CDK14: variants seen among roughly 807,000 people sequenced by gnomAD.
The protein encoded by CDK14 is cyclin-dependent kinase 14.
In CDK14, 34 loss-of-function variants were observed where a neutral mutation model predicts 60.7. The ratio of observed to expected loss-of-function variants is 0.56; its 90% confidence interval spans 0.43 to 0.75. The LOEUF (loss-of-function observed/expected upper bound fraction) is 0.75, where lower values mean the gene tolerates loss of function less well. Among genes scored for constraint, CDK14 ranks in the 30% least tolerant of loss-of-function variants. The pLI is 0.00. For missense variants in CDK14, 482 were observed against 564.1 expected, an observed-to-expected ratio of 0.85 and a Z score of 1.47; for synonymous variants, 197 against 203.7, an observed-to-expected ratio of 0.97 and a Z score of 0.28.
At chr7:90,653,505 C>T (rs1800690461) in intron 2 of CDK14, among the ~76,000 whole-genome samples, 1 of 151,878 alleles carries the variant, frequency 6.6e-6, no homozygotes, top group Non-Finnish European at 1.5e-5. Flanking sequence ...CTTGACCTTT[C>T]CAGCACCGAG....
At chr7:90,673,476 C>T (rs191056462) in intron 2 of CDK14, among the ~76,000 whole-genome samples, 80 of 152,114 alleles carry the variant, frequency 5.3e-4, no homozygotes, top group Middle Eastern at 6.8e-3. Flanking sequence ...ACAGCCCACC[C>T]GGTGGCACAG....
chr7:90,949,731 T>C (rs1365195578), intron 8 of CDK14, among the ~76,000 whole-genome samples: 1 of 152,216 alleles, frequency 6.6e-6, no homozygotes, highest in African/African-American at 2.4e-5. Flanking sequence ...TTTGGTTTCT[T>C]ATAAAAAGTA....
At chr7:90,783,268 C>T (rs1481352900) in intron 4 of CDK14, among the ~76,000 whole-genome samples, 2 of 152,108 alleles carry the variant, frequency 1.3e-5, no homozygotes, top group South Asian at 2.1e-4. Context: ...TTGTTAGTCA[C>T]ATCCTAATAA....
chr7:91,195,477 G>T (rs1802507136), intron 14 of CDK14, among the ~76,000 whole-genome samples: 1 of 152,148 alleles, frequency 6.6e-6, no homozygotes, highest in South Asian at 2.1e-4. Context: ...TCTGATGTAT[G>T]AAAATGTCCA....
At chr7:91,026,855 C>A (rs1031609716) in intron 10 of CDK14, among the ~76,000 whole-genome samples, 18 of 152,290 alleles carry the variant, frequency 1.2e-4, no homozygotes, top group Admixed American at 4.6e-4. Context: ...ACTATTATGA[C>A]CATTATAAAT....
intron 2 of CDK14, among the ~76,000 whole-genome samples, chr7:90,619,880 C>A (rs1799731996): frequency 6.6e-6 from 1 of 152,186 alleles, no homozygotes. Flanking sequence ...CCCGTAGTCC[C>A]AGCTACTTGG....
chr7:91,060,870 T>TA (rs1797762811), intron 11 of CDK14, among the ~76,000 whole-genome samples: 1 of 152,178 alleles, frequency 6.6e-6, no homozygotes, highest in East Asian at 1.9e-4. Context: ...ATCTGACAAT[T>TA]ATGTGTCTTG....
chr7:90,860,173 A>T (rs188058531), intron 5 of CDK14, among the ~76,000 whole-genome samples: 1 of 152,262 alleles, frequency 6.6e-6, no homozygotes, highest in East Asian at 1.9e-4. Context: ...TATTGATTTA[A>T]TAAAGGTTTC....
intron 6 of CDK14, among the ~76,000 whole-genome samples, chr7:90,874,165 T>G (rs1363518955): frequency 1.3e-5 from 2 of 152,152 alleles, no homozygotes; most frequent in East Asian, 3.9e-4. Flanking sequence ...CTTCATCTTA[T>G]GTGGTTTTGT....
chr7:90,829,968 G>T (rs577815040), intron 5 of CDK14, among the ~76,000 whole-genome samples: 9 of 152,334 alleles, frequency 5.9e-5, no homozygotes, highest in Admixed American at 2.6e-4. Context: ...AGCCCCCATT[G>T]CTGCCTTCAC....
chr7:90,797,006 T>A (rs1788459413), intron 5 of CDK14, among the ~76,000 whole-genome samples: 2 of 151,834 alleles, frequency 1.3e-5, no homozygotes, highest in Admixed American at 1.3e-4. Flanking sequence ...TACTGATTTG[T>A]GTATGTTGAT....
At chr7:91,022,595 A>C (rs1232243578) in intron 10 of CDK14, among the ~76,000 whole-genome samples, 1 of 152,208 alleles carries the variant, frequency 6.6e-6, no homozygotes, top group African/African-American at 2.4e-5. Flanking sequence ...ACTCCAGCAA[A>C]ATGTTCTCCC....
intron 4 of CDK14, among the ~76,000 whole-genome samples, chr7:90,751,349 G>C (rs996886593): frequency 1.3e-5 from 2 of 152,100 alleles, no homozygotes; most frequent in African/African-American, 4.8e-5. Flanking sequence ...TACAAGCCAG[G>C]AGAGTTTGGG....
chr7:91,032,690 A>G (rs1218478552), intron 10 of CDK14, among the ~76,000 whole-genome samples: 1 of 152,214 alleles, frequency 6.6e-6, no homozygotes, highest in Non-Finnish European at 1.5e-5. Context: ...CCCAGAGGGG[A>G]CAAGGCCCTA....
At chr7:91,123,279 T>G (rs1040140596) in intron 14 of CDK14, among the ~76,000 whole-genome samples, 1 of 151,928 alleles carries the variant, frequency 6.6e-6, no homozygotes, top group Non-Finnish European at 1.5e-5. Context: ...ATTTCTGGGG[T>G]TTTTCCTGCA....
At chr7:90,939,977 A>G (rs1793867894) in intron 8 of CDK14, among the ~76,000 whole-genome samples, 1 of 152,240 alleles carries the variant, frequency 6.6e-6, no homozygotes, top group African/African-American at 2.4e-5. Flanking sequence ...CTATTTTAGA[A>G]CCAAACCGTA....
chr7:90,617,620 C>G (rs569794714), intron 2 of CDK14, among the ~76,000 whole-genome samples: 4 of 152,216 alleles, frequency 2.6e-5, no homozygotes, highest in Middle Eastern at 3.4e-3. Context: ...CTGAAGAGAA[C>G]ATGGTTGATT....
intron 2 of CDK14, among the ~76,000 whole-genome samples, chr7:90,626,246 G>A (rs1392422179): frequency 6.6e-6 from 1 of 152,140 alleles, no homozygotes; most frequent in Non-Finnish European, 1.5e-5. Flanking sequence ...GGCTGTGAGA[G>A]AACTGGTCAT....
intron 4 of CDK14, among the ~76,000 whole-genome samples, chr7:90,748,016 A>G (rs2116810917): frequency 6.7e-6 from 1 of 150,280 alleles, no homozygotes; most frequent in East Asian, 2.0e-4. Flanking sequence ...TCCCCACAAC[A>G]CTGCTTTCTC....
Sources: gnomAD v4.1 joint callset for allele counts (sites outside exome capture counted in the v4.1 genomes callset) on GRCh38, gnomAD v4.1.1 for gene constraint, MANE v1.5 for transcripts, NCBI Gene and HGNC (gene_info 2026-07-23, HGNC 2026-07-21) for gene names.